Variants in RPL15 observed in about 807,000 individuals in gnomAD.
RPL15 encodes the protein large ribosomal subunit protein eL15.
For synonymous variants in RPL15, 97 were observed against 95.1 expected (o/e 1.02, Z -0.12); for missense variants, 161 against 271.8 (o/e 0.59, Z 2.87).
chr3:23,923,926 T>C (rs927463425), downstream of RPL15: 3 of 152,236 alleles, frequency 2.0e-5, no homozygotes, highest in Admixed American at 1.3e-4. Context: ...GAGGCAAAGC[T>C]ATGTGCATAC....
upstream of RPL15, chr3:23,916,957 G>C (rs765065443): frequency 6.5e-6 from 1 of 152,672 alleles, no homozygotes; most frequent in Non-Finnish European, 1.5e-5. Flanking sequence ...AGGCCGCTCA[G>C]GCTCGAATCT....
At chr3:23,924,086 A>T (rs1455261936), downstream of RPL15, 1 of 152,220 alleles carries the variant, frequency 6.6e-6, no homozygotes, top group African/African-American at 2.4e-5. Context: ...GAAGCCAGTG[A>T]TCCAGATAGC....
At chr3:23,923,181 A>G (rs1383286522), downstream of RPL15, 3 of 148,200 alleles carry the variant, frequency 2.0e-5, no homozygotes, top group East Asian at 3.9e-4. Flanking sequence ...TTAGTTATGT[A>G]TCTCAGAGCT....
intron 3 of RPL15, 107 bp from the exon 4 acceptor site, chr3:23,919,087 TAA>T: frequency 2.7e-6 from 2 of 729,524 alleles, no homozygotes; most frequent in Non-Finnish European, 2.4e-6. Context: ...ACTTGAGTAG[TAA>T]AAGACTCTTG....
intron 3 of RPL15, 130 bp from the exon 4 acceptor site, chr3:23,919,066 C>T (rs970915734): frequency 4.6e-6 from 3 of 654,210 alleles, no homozygotes; most frequent in African/African-American, 3.6e-5. Flanking sequence ...GGGAGAAATG[C>T]TTAGTAAATA....
chr3:23,921,464 TA>T (rs1168545193), downstream of RPL15: 3 of 622,840 alleles, frequency 4.8e-6, no homozygotes, highest in Admixed American at 8.4e-5. Context: ...ACTCCAATAT[TA>T]AGGGTCACTT....
chr3:23,921,685 C>A (rs768910694), downstream of RPL15: 1 of 633,358 alleles, frequency 1.6e-6, no homozygotes, highest in South Asian at 1.6e-5. Context: ...AGCAATTCTT[C>A]TGCCTCGGCC....
chr3:23,921,998 A>C (rs562238872), downstream of RPL15: 2 of 176,842 alleles, frequency 1.1e-5, no homozygotes, highest in East Asian at 1.5e-4. Context: ...GAGCCACCAC[A>C]CCGGGCCCAA....
At position 23,919,866 on chromosome 3, in the gene RPL15, T is replaced by A. The variant is rs189958810; in HGVS notation, c.*365T>A. On this transcript the variant is annotated 3_prime_UTR_variant, in exon 4 of 4. Transcript: ENST00000307839. ...CTTTATCGGAGTGATGGCAATGCTC[T>A]GCTGGTTTATTTTCAAGTGGCTGCG... is the stretch of plus-strand genomic sequence containing the variant. 1 of 1,004,318 alleles carries A rather than the reference T, an allele frequency of 1.0e-6. No homozygotes were observed. The highest frequency in any genetic ancestry group is 5.7e-5 in the Admixed American group (1 of 17,394). 62.2% of individuals were successfully genotyped at this position (1,004,318 alleles called of 1,614,324 possible). A position where few individuals can be genotyped will look rare whatever the true frequency, so the allele number is the denominator to read the frequency against.
At chr3:23,919,143 TGCTGCTATAG>T (rs1704924811) in intron 3 of RPL15, 43 bp from the exon 4 acceptor site, 3 of 1,244,302 alleles carry the variant, frequency 2.4e-6, no homozygotes, top group Non-Finnish European at 3.5e-6. Context: ...CTTTCTGACT[TGCTGCTATAG>T]GCAATGTGGG....
At chr3:23,922,059 C>G (rs1279496077), downstream of RPL15, 1 of 156,138 alleles carries the variant, frequency 6.4e-6, no homozygotes, top group African/African-American at 2.4e-5. This position sits in a 1 kb window ranked among gnomAD's most constrained non-coding sequence, Gnocchi z 4.2. Context: ...CTCACGCCTG[C>G]AATCCCAACA....
At position 23,918,027 on chromosome 3, in the gene RPL15, G is replaced by C; in HGVS notation, c.168G>C (p.Lys56Asn). The change falls in exon 2 of 4, where the codon AAG becomes AAC. Residue 56 changes from lysine (K) to asparagine (N), a missense_variant. Physicochemically the swap from Lys to Asn is moderately conservative, Grantham distance 94. Transcript: ENST00000307839. ...CGCGCCGACTGGGCTACAAGGCCAAGCAAGGTACGTGATCGACTGCGTGGA... is the reference window on the plus strand; with the variant it reads ...CGCGCCGACTGGGCTACAAGGCCAACCAAGGTACGTGATCGACTGCGTGGA... ...DKARRLGYKAKQGYVIYRIRV... is the reference protein window; with the variant it reads ...DKARRLGYKANQGYVIYRIRV... 1 of 1,608,864 alleles carries C rather than the reference G, an allele frequency of 6.2e-7. No individual in the cohort carries two copies. The highest frequency in any genetic ancestry group is 8.5e-7 in the Non-Finnish European group (1 of 1,178,364).
At position 23,920,341 on chromosome 3, in the gene RPL15, G is replaced by A; in HGVS notation, c.*840G>A. The A allele has an allele frequency of 1.0e-6, 1 of 985,580 alleles. No homozygotes were observed. Among genetic ancestry groups the A allele is most frequent in the Non-Finnish European group, 1.2e-6 (1 of 829,910 alleles). 61.1% of individuals were successfully genotyped at this position (985,580 alleles called of 1,614,324 possible). ...AAAAACATCTTGGGTTACCCACTCT[G>A]TCCACTCCCATAGGCTACAGAAAAA... On this transcript the variant is annotated 3_prime_UTR_variant, in exon 4 of 4. Transcript: ENST00000307839.
intron 2 of RPL15, 51 bp downstream of exon 2, chr3:23,918,082 T>C: frequency 1.9e-6 from 3 of 1,573,486 alleles, no homozygotes; most frequent in Non-Finnish European, 2.6e-6. Context: ...TCGAGAAAAG[T>C]TGGAAACCAG....
At chr3:23,918,955 G>GC in intron 3 of RPL15, 2 of 558,376 alleles carry the variant, frequency 3.6e-6, no homozygotes, top group Non-Finnish European at 3.1e-6. Context: ...ACATATTCCT[G>GC]CCCTAGTCAG....
At position 23,918,554 on chromosome 3, in the gene RPL15, G is replaced by A. The variant is rs748334045; in HGVS notation, c.287G>A (p.Arg96Gln). The A allele has an allele frequency of 6.2e-7, 1 of 1,613,980 alleles. No homozygotes were observed. Among genetic ancestry groups the A allele is most frequent in the Non-Finnish European group, 8.5e-7 (1 of 1,179,948 alleles). ...GGTGTTAACCAGCTAAAGTTTGCTC[G>A]AAGCCTTCAGTCCGTTGCAGAGGTA... ...HHGVNQLKFA[R>Q]SLQSVAEERA... Residue 96 changes from arginine to glutamine, a missense_variant, in exon 3 of 4, where the codon CGA becomes CAA. Physicochemically the swap from Arg to Gln is conservative, Grantham distance 43. Coordinates refer to ENST00000307839, the MANE Select transcript of RPL15 (RefSeq NM_002948.5).
intron 1 of RPL15, 80 bp downstream of exon 1, chr3:23,917,253 G>A (rs944306358): frequency 3.3e-5 from 5 of 152,520 alleles, no homozygotes; most frequent in Admixed American, 2.0e-4. Flanking sequence ...CGGGGACCCT[G>A]CGTCCTCGGA....
chr3:23,920,714 T>G lies in RPL15; in HGVS notation c.*1213T>G, dbSNP rs1705031430. On this transcript the variant is annotated 3_prime_UTR_variant, in exon 4 of 4. Transcript: ENST00000307839. ...ACTCAGTTAATTGATTTCCAGGAAG[T>G]ACTCATAGCAAGTTCATAAAAGTTC... The G allele has an allele frequency of 1.0e-6, 1 of 984,384 alleles. No individual in the cohort carries two copies. Among genetic ancestry groups the G allele is most frequent in the African/African-American group, 1.7e-5 (1 of 57,196 alleles). 61.0% of individuals were successfully genotyped at this position (984,384 alleles called of 1,614,324 possible).
chr3:23,921,570 GTTTTTTTTT>G (rs71622703), downstream of RPL15: 5 of 508,942 alleles, frequency 9.8e-6, no homozygotes, highest in African/African-American at 7.1e-5. Context: ...TGATTATTGA[GTTTTTTTTT>G]TTTTTTTTTT....
Sources: gnomAD v4.1 joint callset for allele counts on GRCh38, gnomAD v4.1.1 for gene constraint, Gnocchi (gnomAD v3.1) non-coding constraint, MANE v1.5 for transcripts, NCBI Gene and HGNC (gene_info 2026-07-23, HGNC 2026-07-21) for gene names.